RPGRIP1: variants seen among roughly 807,000 people sequenced by gnomAD.
RPGRIP1 encodes the protein X-linked retinitis pigmentosa GTPase regulator-interacting protein 1.
In RPGRIP1, 128 loss-of-function variants were observed where a neutral mutation model predicts 157.9. The observed-to-expected ratio is 0.81, with a 90% CI of 0.70 to 0.94. RPGRIP1 has a LOEUF of 0.94. Among genes scored for constraint, RPGRIP1 ranks in the 40% least tolerant of loss-of-function variants. RPGRIP1 has a pLI of 0.00. For missense variants in RPGRIP1, 1,486 were observed against 1,545.8 expected, an observed-to-expected ratio of 0.96 and a Z score of 0.65; for synonymous variants, 554 against 571.6, an observed-to-expected ratio of 0.97 and a Z score of 0.44.
intron 10 of RPGRIP1, among the ~76,000 whole-genome samples, chr14:21,314,186 G>A (rs974068622): frequency 6.6e-6 from 1 of 151,756 alleles, no homozygotes; most frequent in Non-Finnish European, 1.5e-5. Flanking sequence ...AGGCTCAAGT[G>A]ATTTTTCCAC....
At chr14:21,329,424 T>A (rs1252141804) in intron 19 of RPGRIP1, among the ~76,000 whole-genome samples, 3 of 152,154 alleles carry the variant, frequency 2.0e-5, no homozygotes, top group Non-Finnish European at 1.5e-5. Context: ...CATTTCAATG[T>A]AATTTAATTC....
intron 11 of RPGRIP1, chr14:21,318,167 C>T (rs1044995251): frequency 8.0e-6 from 4 of 501,260 alleles, no homozygotes; most frequent in Admixed American, 2.3e-5. Flanking sequence ...AGTGCAATGG[C>T]ACGATTTCAG....
chr14:21,349,147 T>C (rs1885890027), intron 24 of RPGRIP1, among the ~76,000 whole-genome samples: 1 of 134,250 alleles, frequency 7.4e-6, no homozygotes, highest in Non-Finnish European at 1.6e-5. Context: ...CTCGGCTCAC[T>C]GCAACCTCCA....
chr14:21,293,189 C>T (rs1270116655), intron 2 of RPGRIP1, among the ~76,000 whole-genome samples: 2 of 151,834 alleles, frequency 1.3e-5, no homozygotes, highest in African/African-American at 2.4e-5. Context: ...AAATATGGTT[C>T]CCATTCACCA....
chr14:21,315,815 T>G (rs976615338), intron 10 of RPGRIP1, among the ~76,000 whole-genome samples: 64 of 151,666 alleles, frequency 4.2e-4, no homozygotes, highest in African/African-American at 1.5e-3. Flanking sequence ...TATTTTTTTT[T>G]TGAGGCAGAG....
rs1401356161 is a variant in RPGRIP1, at chr14:21,288,155, T to C, written c.85+94T>C. 3.7e-6 allele frequency: 3 copies of C among 804,700 alleles called. No individual in the cohort carries two copies. In the East Asian group the frequency reaches 7.4e-5, roughly 20 times the overall value. The allele number at this position is 804,700 out of a possible 1,614,324, so 49.8% of individuals were successfully genotyped here. On this transcript the variant is annotated intron_variant, in intron 2 of 24. Coordinates refer to ENST00000400017, the MANE Select transcript of RPGRIP1 (RefSeq NM_020366.4). ...GGCCTTCACAGAGACTGATTTACTT[T>C]CAGCTCTTTTCTTCAGTCTTCTCAC...
At chr14:21,349,781 A>G (rs1885999579) in intron 24 of RPGRIP1, among the ~76,000 whole-genome samples, 1 of 152,172 alleles carries the variant, frequency 6.6e-6, no homozygotes, top group Non-Finnish European at 1.5e-5. Flanking sequence ...TACATAATAC[A>G]TTTGATCACT....
At chr14:21,303,081 G>A in intron 5 of RPGRIP1, 1 of 375,212 alleles carries the variant, frequency 2.7e-6, no homozygotes, top group Non-Finnish European at 4.9e-6. Flanking sequence ...TGTTGGCCAG[G>A]CTTGTCTCCA....
intron 4 of RPGRIP1, 112 bp downstream of exon 4, chr14:21,301,349 G>A: frequency 1.7e-6 from 2 of 1,145,082 alleles, no homozygotes; most frequent in Non-Finnish European, 2.5e-6. Flanking sequence ...TTGTTCTTTT[G>A]TTCTCACTCC....
intron 15 of RPGRIP1, 35 bp from the exon 16 acceptor site, chr14:21,325,197 G>C: frequency 6.3e-7 from 1 of 1,577,436 alleles, no homozygotes; most frequent in Non-Finnish European, 8.6e-7. Context: ...CACACCATCT[G>C]TATTCCCCCT....
intron 24 of RPGRIP1, among the ~76,000 whole-genome samples, chr14:21,349,932 T>A (rs1886020917): frequency 6.6e-6 from 1 of 152,184 alleles, no homozygotes; most frequent in Non-Finnish European, 1.5e-5. Flanking sequence ...GTCACCTATC[T>A]TATCTGCTAG....
chr14:21,341,077 A>G (rs1447664177), intron 21 of RPGRIP1, among the ~76,000 whole-genome samples: 4 of 152,056 alleles, frequency 2.6e-5, no homozygotes, highest in Non-Finnish European at 5.9e-5. Context: ...ACCCAGTCTC[A>G]CTCTGTTGCC....
At position 21,281,595 on chromosome 14, in the gene RPGRIP1, A is replaced by G. The variant is rs180788193; in HGVS notation, c.-39+1436A>G. Among the ~76,000 whole-genome samples the G allele has an allele frequency of 8.8e-3, 1,339 of 151,644 alleles. 15 individuals carry two copies. Among genetic ancestry groups the G allele is most frequent in the Non-Finnish European group, 0.011 (736 of 67,936 alleles). On this transcript the variant is annotated intron_variant, in intron 1 of 24. Transcript: ENST00000400017. ...TTGCAGCTGCCTGGGGGGCTGAGACATGAGAATTGCTTGAACCCTGGAGGC... is the reference window on the plus strand; with the variant it reads ...TTGCAGCTGCCTGGGGGGCTGAGACGTGAGAATTGCTTGAACCCTGGAGGC...
rs1486358089 is a variant in RPGRIP1, at chr14:21,301,215, G to T, written c.468G>T (p.Pro156=). Residue 156 remains proline (P), a synonymous_variant, in exon 4 of 25, where the codon CCG becomes CCT. Transcript: ENST00000400017. ...GACAGCTCCACACAGCCGGTGCACCGGTGCCGGAGAAACCCAAGAGGGGTG... is the reference window on the plus strand; with the variant it reads ...GACAGCTCCACACAGCCGGTGCACCTGTGCCGGAGAAACCCAAGAGGGGTG... ...GHRQLHTAGA[P]VPEKPKRGPR... 6.3e-7 allele frequency: 1 copy of T among 1,591,084 alleles called. No individual in the cohort carries two copies. The highest frequency in any genetic ancestry group is 1.8e-5 in the Admixed American group (1 of 56,066).
intron 14 of RPGRIP1, chr14:21,324,299 C>A (rs1319137189): frequency 7.5e-6 from 3 of 397,510 alleles, no homozygotes; most frequent in Admixed American, 4.0e-5. Flanking sequence ...ACCAGTTAAT[C>A]ATAGGGCCAC....
At chr14:21,290,080 C>T (rs2139135485) in intron 2 of RPGRIP1, among the ~76,000 whole-genome samples, 1 of 152,166 alleles carries the variant, frequency 6.6e-6, no homozygotes, top group South Asian at 2.1e-4. Context: ...TGGTCTCCAA[C>T]TCCTGGCTTC....
chr14:21,326,939 T>G (rs1446284875), intron 17 of RPGRIP1, among the ~76,000 whole-genome samples: 1 of 152,036 alleles, frequency 6.6e-6, no homozygotes, highest in Non-Finnish European at 1.5e-5. Context: ...TACCTAGGAT[T>G]GTGGGGGTGT....
chr14:21,311,238 T>G (rs1015428720), intron 8 of RPGRIP1, among the ~76,000 whole-genome samples: 2 of 152,182 alleles, frequency 1.3e-5, no homozygotes, highest in Non-Finnish European at 2.9e-5. Flanking sequence ...AGCTAGGGAT[T>G]AATTTGAACC....
chr14:21,304,292 G>A lies in RPGRIP1; in HGVS notation c.800+749G>A, dbSNP rs140273863. On this transcript the variant is annotated intron_variant, in intron 6 of 24. Transcript: ENST00000400017. ...ATTGCACCATTGCACTCCAGCCTGG[G>A]CAACAAGAGCAAAACTCTGTCAAAA... Among the ~76,000 whole-genome samples the A allele has an allele frequency of 3.5e-4, 50 of 144,520 alleles. 1 individual carries two copies. In the East Asian group the frequency reaches 8.2e-3, roughly 24 times the overall value. The allele number at this position is 144,520 out of a possible 152,430, so 94.8% of individuals were successfully genotyped here.
Sources: allele counts gnomAD v4.1 joint callset (sites outside exome capture counted in the v4.1 genomes callset), GRCh38; gene constraint gnomAD v4.1.1; transcripts MANE v1.5; gene names NCBI Gene and HGNC (gene_info 2026-07-23, HGNC 2026-07-21).